RASAL1: variants seen among roughly 807,000 people sequenced by gnomAD.
The protein encoded by RASAL1 is RAS protein activator like 1.
A neutral mutation model predicts 96.6 loss-of-function variants in RASAL1; 72 were observed. That is an observed-to-expected ratio of 0.75 (90% CI 0.62 to 0.91). The LOEUF is 0.91. Ranked by LOEUF, RASAL1 falls within the 40% of genes least tolerant of loss-of-function variation. RASAL1 has a pLI of 0.00. For synonymous variants in RASAL1, 405 were observed against 430.4 expected (o/e 0.94, Z 0.73); for missense variants, 1,016 against 1,072.5 (o/e 0.95, Z 0.74).
rs1361244815 is a variant in RASAL1, at chr12:113,130,524, T to C, written c.122+361A>G. Among the ~76,000 whole-genome samples, 1 of 151,508 alleles carries C rather than the reference T, an allele frequency of 6.6e-6. No homozygotes were observed. The highest frequency in any genetic ancestry group is 1.5e-5 in the Non-Finnish European group (1 of 67,938). Reference sequence around the variant, plus strand: ...GGGCGGGTGCACACACAGACACACATGCACATGCCCACGCGCACAGACATC... The same window carrying C: ...GGGCGGGTGCACACACAGACACACACGCACATGCCCACGCGCACAGACATC... On this transcript the variant is annotated intron_variant, in intron 2 of 20. Coordinates refer to ENST00000548055, the MANE Select transcript of RASAL1 (RefSeq NM_001301202.2). This position sits in a 1 kb window ranked among gnomAD's most constrained non-coding sequence, Gnocchi z 5.1.
Position 113,106,967 on chromosome 12 carries a change from G to A in RASAL1, c.1657+130C>T, listed in dbSNP as rs1461312874. The stretch of plus-strand genomic sequence containing the variant: ...TGGGGCCTAGCACAGTAAGTATCAG[G>A]AAATGTTAGTTGACTGACCCACAGA... On this transcript the variant is annotated intron_variant, in intron 15 of 20. Transcript: ENST00000548055. 5.6e-6 allele frequency: 6 copies of A among 1,073,832 alleles called. No homozygotes were observed. In the South Asian group the frequency reaches 9.7e-5, roughly 17 times the overall value. The allele number at this position is 1,073,832 out of a possible 1,614,324, so 66.5% of individuals were successfully genotyped here.
At chr12:113,114,678 C>G in intron 12 of RASAL1, 122 bp downstream of exon 12, 3 of 773,998 alleles carry the variant, frequency 3.9e-6, no homozygotes, top group Non-Finnish European at 6.7e-6. Flanking sequence ...GCTCAGCCAC[C>G]GAGCTCCTGA....
intron 4 of RASAL1, among the ~76,000 whole-genome samples, chr12:113,125,001 C>T (rs776345739): frequency 6.6e-5 from 10 of 152,152 alleles, no homozygotes; most frequent in Non-Finnish European, 1.3e-4. Context: ...GTGGCTCACA[C>T]CTGTAATCCC....
At chr12:113,112,860 G>A (rs1407234634) in intron 12 of RASAL1, among the ~76,000 whole-genome samples, 1 of 152,136 alleles carries the variant, frequency 6.6e-6, no homozygotes, top group Non-Finnish European at 1.5e-5. Flanking sequence ...GCTGAGGCAG[G>A]AGAATCGCTT....
chr12:113,119,432 G>A lies in RASAL1; in HGVS notation c.440C>T (p.Pro147Leu). The change falls in exon 6 of 21, where the codon CCC becomes CTC. Residue 147 changes from proline (P) to leucine (L), a missense_variant. Physicochemically the swap from Pro to Leu is moderately conservative, Grantham distance 98. Transcript: ENST00000548055. ...CHVLQARDLA[P>L]RDISGTSDPF... Reference sequence around the variant, plus strand: ...GTCAGATGTGCCAGAGATGTCTCTGGGAGCCAGGTCCCTGGGAACAGATGG... The same window carrying A: ...GTCAGATGTGCCAGAGATGTCTCTGAGAGCCAGGTCCCTGGGAACAGATGG... 1 of 1,605,250 alleles carries A rather than the reference G, an allele frequency of 6.2e-7. No individual in the cohort carries two copies. The highest frequency in any genetic ancestry group is 8.5e-7 in the Non-Finnish European group (1 of 1,174,922).
At position 113,106,219 on chromosome 12, in the gene RASAL1, G is replaced by A. The variant is rs182272330; in HGVS notation, c.1658-333C>T. ...GCATTTAATCATGCTCAGGGAGCCA[G>A]GACACAGCCCCGCCACCCCACCCCA... On this transcript the variant is annotated intron_variant, in intron 15 of 20. Coordinates refer to ENST00000548055, the MANE Select transcript of RASAL1 (RefSeq NM_001301202.2). 1.9e-4 allele frequency among the ~76,000 whole-genome samples: 29 copies of A among 152,196 alleles called. No homozygotes were observed. In the East Asian group the frequency reaches 5.6e-3, roughly 29 times the overall value.
intron 4 of RASAL1, among the ~76,000 whole-genome samples, chr12:113,127,323 G>C (rs2136239963): frequency 6.6e-6 from 1 of 152,240 alleles, no homozygotes; most frequent in African/African-American, 2.4e-5. Flanking sequence ...TCTGAATGTT[G>C]AACTAGGCAA....
intron 4 of RASAL1, among the ~76,000 whole-genome samples, chr12:113,124,012 G>A (rs1951393394): frequency 6.6e-6 from 1 of 151,408 alleles, no homozygotes; most frequent in Non-Finnish European, 1.5e-5. Flanking sequence ...CTGAGGTCAG[G>A]AGTTTGAGAC....
chr12:113,115,970 C>T lies in RASAL1; in HGVS notation c.813G>A (p.Met271Ile). The part of the protein sequence containing the change: ...VLPSQCYQPL[M>I]ELLMESVQGP... ...CCTGCACAGACTCCATGAGCAGCTC[C>T]ATGAGAGGCTGGTAGCACTGGGAGG... The change falls in exon 9 of 21, where the codon ATG becomes ATA. Residue 271 changes from methionine (M) to isoleucine (I), a missense_variant. Physicochemically the swap from Met to Ile is conservative, Grantham distance 10. Coordinates refer to ENST00000548055, the MANE Select transcript of RASAL1 (RefSeq NM_001301202.2). This position sits in a 1 kb window ranked among gnomAD's most constrained non-coding sequence, Gnocchi z 4.1. The T allele has an allele frequency of 6.2e-7, 1 of 1,609,588 alleles. No individual in the cohort carries two copies. The highest frequency in any genetic ancestry group is 1.1e-5 in the South Asian group (1 of 90,480).
At position 113,119,245 on chromosome 12, in the gene RASAL1, A is replaced by G; in HGVS notation, c.525T>C (p.Thr175=). Residue 175 remains threonine (T), a synonymous_variant, in exon 7 of 21, where the codon ACT becomes ACC. Coordinates refer to ENST00000548055, the MANE Select transcript of RASAL1 (RefSeq NM_001301202.2). ...GCACTTCATCCCAGTGCGGGAAGCG[A>G]GTCTTCTTGATGGTCTGAGGGCGAA... ...QSLETSTIKK[T]RFPHWDEVLE... is the part of the protein sequence containing the mutation. The G allele has an allele frequency of 6.2e-7, 1 of 1,613,410 alleles. No homozygotes were observed. Among genetic ancestry groups the G allele is most frequent in the East Asian group, 2.2e-5 (1 of 44,834 alleles).
In RASAL1 at chr12:113,104,157, T is replaced by G. The variant is rs1421872590; in HGVS notation, c.1968+4A>C. ...CCCCGCTCCCCATCGCGGTGGGGTC[T>G]CACCTTGCACTGGAGGTAGGTGGTG... On this transcript the variant is annotated splice_donor_region_variant and intron_variant, in intron 17 of 20. Coordinates refer to ENST00000548055, the MANE Select transcript of RASAL1 (RefSeq NM_001301202.2). 1 of 1,604,706 alleles carries G rather than the reference T, an allele frequency of 6.2e-7. No homozygotes were observed. Among genetic ancestry groups the G allele is most frequent in the African/African-American group, 1.3e-5 (1 of 74,800 alleles).
intron 1 of RASAL1, 127 bp from the exon 2 acceptor site, chr12:113,131,068 C>G (rs1592965640): frequency 3.0e-6 from 2 of 656,506 alleles, no homozygotes; most frequent in Non-Finnish European, 5.3e-6. Context: ...CAGGGTCACA[C>G]AGCAAGTCCA....
intron 7 of RASAL1, among the ~76,000 whole-genome samples, 159 bp downstream of exon 7, chr12:113,118,969 G>A (rs1951185482): frequency 6.6e-6 from 1 of 152,198 alleles, no homozygotes; most frequent in Admixed American, 6.5e-5. Flanking sequence ...CTGTACAACA[G>A]AGCAATGAAA....
intron 12 of RASAL1, among the ~76,000 whole-genome samples, chr12:113,113,555 A>G (rs1172362724): frequency 6.6e-6 from 1 of 152,114 alleles, no homozygotes; most frequent in Non-Finnish European, 1.5e-5. Context: ...AGGGCCTGGG[A>G]TCAAATCCTT....
intron 18 of RASAL1, among the ~76,000 whole-genome samples, chr12:113,103,344 G>A (rs1005083296): frequency 2.6e-5 from 4 of 152,046 alleles, no homozygotes; most frequent in African/African-American, 4.8e-5. Flanking sequence ...GGTGGCTCAG[G>A]CCTGTAATCC....
rs1174589620 is a variant in RASAL1 at position 113,099,913 on chromosome 12, T to C, written c.*16A>G. ...CTGGCTCTTGCTCCTCCTTCCGGGC[T>C]AGCTCTGGCATTTCCTTAGGGGCCA... On this transcript the variant is annotated 3_prime_UTR_variant, in exon 21 of 21. Transcript: ENST00000548055. 1.9e-6 allele frequency: 3 copies of C among 1,604,520 alleles called. No individual in the cohort carries two copies. Among genetic ancestry groups the C allele is most frequent in the Non-Finnish European group, 2.6e-6 (3 of 1,174,398 alleles).
chr12:113,118,008 GAGGTCAGGAGTTCA>G (rs1951153034), intron 7 of RASAL1, among the ~76,000 whole-genome samples: 1 of 152,190 alleles, frequency 6.6e-6, no homozygotes, highest in African/African-American at 2.4e-5. Context: ...CAGATCACTT[GAGGTCAGGAGTTCA>G]AGACCAGCCT....
intron 4 of RASAL1, among the ~76,000 whole-genome samples, chr12:113,125,565 C>T (rs143883660): frequency 1.2e-4 from 18 of 152,266 alleles, no homozygotes; most frequent in South Asian, 4.1e-4. Context: ...ATCAGATACA[C>T]GATCAAAAAG....
Position 113,099,843 on chromosome 12 carries a change from A to G in RASAL1, c.*86T>C, listed in dbSNP as rs1036620073. On this transcript the variant is annotated 3_prime_UTR_variant, in exon 21 of 21. Coordinates refer to ENST00000548055, the MANE Select transcript of RASAL1 (RefSeq NM_001301202.2). The stretch of plus-strand genomic sequence containing the variant: ...CAAACCACAGAATCAAAGAGGTCCA[A>G]GGAGACAGGAGACTCCCGGGGCAGG... The G allele has an allele frequency of 2.0e-6, 3 of 1,514,222 alleles. No homozygotes were observed. Among genetic ancestry groups the G allele is most frequent in the Admixed American group, 2.0e-5 (1 of 49,626 alleles). 93.8% of individuals were successfully genotyped at this position (1,514,222 alleles called of 1,614,324 possible).
Sources: allele counts gnomAD v4.1 joint callset (sites outside exome capture counted in the v4.1 genomes callset), GRCh38; gene constraint gnomAD v4.1.1; non-coding constraint Gnocchi (gnomAD v3.1); transcripts MANE v1.5; gene names NCBI Gene and HGNC (gene_info 2026-07-23, HGNC 2026-07-21).